Variants in ATP13A3 observed in about 807,000 individuals in gnomAD.
ATP13A3 encodes ATPase 13A3, also known as polyamine-transporting ATPase 13A3.
A neutral mutation model predicts 158.1 loss-of-function variants in ATP13A3; 59 were observed. The observed-to-expected ratio is 0.37, with a 90% CI of 0.30 to 0.46. ATP13A3 has a LOEUF of 0.46. Among genes scored for constraint, ATP13A3 ranks in the 20% least tolerant of loss-of-function variants. ATP13A3 has a pLI of 1.00. For missense variants in ATP13A3, 1,166 were observed against 1,525.2 expected, an observed-to-expected ratio of 0.76 and a Z score of 3.92; for synonymous variants, 491 against 504.3, an observed-to-expected ratio of 0.97 and a Z score of 0.35.
chr3:194,482,846 G>A (rs1229657691), intron 2 of ATP13A3, among the ~76,000 whole-genome samples: 1 of 152,044 alleles, frequency 6.6e-6, no homozygotes, highest in African/African-American at 2.4e-5. Context: ...GGTGGCTCAC[G>A]CCTGTAATCC....
chr3:194,419,992 C>A, intron 30 of ATP13A3, 25 bp from the exon 31 acceptor site: 1 of 1,497,478 alleles, frequency 6.7e-7, no homozygotes, highest in East Asian at 2.6e-5. Context: ...AAAAGTAAAA[C>A]AAGTAAATTA....
rs887373207 is a variant in ATP13A3, at chr3:194,430,843, G to A, written c.2624+100C>T. The A allele has an allele frequency of 1.9e-5, 16 of 826,358 alleles. No homozygotes were observed. In the African/African-American group the frequency reaches 2.6e-4, roughly 14 times the overall value. 51.2% of individuals were successfully genotyped at this position (826,358 alleles called of 1,614,324 possible). On this transcript the variant is annotated intron_variant, in intron 24 of 33. Transcript: ENST00000645319. ...AGATCACAATTATATATATAAATAT[G>A]AAATATTAGTATAAGAAACATATAA...
chr3:194,462,214 G>A lies in ATP13A3; in HGVS notation c.-24C>T, dbSNP rs374451835. On this transcript the variant is annotated 5_prime_UTR_variant, in exon 3 of 34. Coordinates refer to ENST00000645319, the MANE Select transcript of ATP13A3 (RefSeq NM_001367549.1). ...ATACCTACAGTGGATTAAAGGTCCA[G>A]TGCTTCAAACAATGGAAGATCACTG... 4.4e-6 allele frequency: 7 copies of A among 1,606,784 alleles called. No individual in the cohort carries two copies. In the South Asian group the frequency reaches 5.5e-5, roughly 13 times the overall value.
At chr3:194,478,933 C>T (rs1199030135) in intron 2 of ATP13A3, among the ~76,000 whole-genome samples, 3 of 152,222 alleles carry the variant, frequency 2.0e-5, no homozygotes, top group Non-Finnish European at 4.4e-5. Context: ...AGTACCAACA[C>T]AGTCCTAAAG....
chr3:194,410,296 C>CAAAAAAAAA lies in ATP13A3; in HGVS notation c.3573+1894_3573+1902dup, dbSNP rs772008929. On this transcript the variant is annotated intron_variant, in intron 33 of 33. Coordinates refer to ENST00000645319, the MANE Select transcript of ATP13A3 (RefSeq NM_001367549.1). ...GCAACATGGCAAAACCTCCTCTCTG[C>CAAAAAAAAA]AAAAAAAAAAAAAAAAAAAAAAAAA... Among the ~76,000 whole-genome samples the CAAAAAAAAA allele has an allele frequency of 3.3e-3, 72 of 21,820 alleles. 21 individuals are homozygous for CAAAAAAAAA. Among genetic ancestry groups the CAAAAAAAAA allele is most frequent in the East Asian group, 6.0e-3 (4 of 666 alleles). The allele number at this position is 21,820 out of a possible 152,430, so 14.3% of individuals were successfully genotyped here.
chr3:194,459,640 G>A (rs1286281979), intron 5 of ATP13A3, 99 bp from the exon 6 acceptor site: 3 of 1,092,804 alleles, frequency 2.7e-6, no homozygotes, highest in Middle Eastern at 5.2e-4. Context: ...ATTATATATA[G>A]CATTATATAT....
At chr3:194,476,048 T>G (rs1034587811) in intron 2 of ATP13A3, among the ~76,000 whole-genome samples, 1 of 152,160 alleles carries the variant, frequency 6.6e-6, no homozygotes, top group African/African-American at 2.4e-5. Flanking sequence ...TTACTCCACA[T>G]GTACTTGAAA....
chr3:194,413,637 T>G, intron 32 of ATP13A3, 122 bp downstream of exon 32: 50 of 869,212 alleles, frequency 5.8e-5, no homozygotes, highest in Non-Finnish European at 8.9e-5. Flanking sequence ...TGAATTTGCC[T>G]GAGATGAAAC....
At chr3:194,412,539 T>C (rs989817806) in intron 32 of ATP13A3, 62 of 452,582 alleles carry the variant, frequency 1.4e-4, no homozygotes, top group Non-Finnish European at 2.3e-4. Flanking sequence ...TTTGTATAAA[T>C]AGGTCTTTCC....
chr3:194,450,458 T>C (rs1718727381), intron 10 of ATP13A3, 182 bp from the exon 11 acceptor site: 7 of 579,530 alleles, frequency 1.2e-5, no homozygotes, highest in Non-Finnish European at 2.1e-5. Context: ...GCACGGTGTG[T>C]CAGCTAGTTA....
At chr3:194,490,522 C>T (rs1483418313), upstream of ATP13A3, among the ~76,000 whole-genome samples, 1 of 152,230 alleles carries the variant, frequency 6.6e-6, no homozygotes, top group Non-Finnish European at 1.5e-5. The surrounding 1 kb of genome is among the most constrained non-coding windows in gnomAD (Gnocchi z 4.4). Flanking sequence ...TCCGCAGGTG[C>T]TTCCTCTGTC....
intron 30 of ATP13A3, among the ~76,000 whole-genome samples, chr3:194,420,918 T>C (rs1716243015): frequency 6.6e-6 from 1 of 150,790 alleles, no homozygotes; most frequent in South Asian, 2.1e-4. Flanking sequence ...AACTTTATCA[T>C]GAAGCCTCCA....
Position 194,438,850 on chromosome 3 carries a change from T to C in ATP13A3, c.1827+6A>G, listed in dbSNP as rs1380380186. On this transcript the variant is annotated splice_donor_region_variant and intron_variant, in intron 17 of 33. Coordinates refer to ENST00000645319, the MANE Select transcript of ATP13A3 (RefSeq NM_001367549.1). ...CAGTTTTATCTAGCTTTAAGTGATT[T>C]CTCACCATTTCTTGGTTTCCTGCAG... is the stretch of plus-strand genomic sequence containing the variant. 6.5e-7 allele frequency: 1 copy of C among 1,532,060 alleles called. No individual in the cohort carries two copies. Among genetic ancestry groups the C allele is most frequent in the African/African-American group, 1.4e-5 (1 of 72,038 alleles). 94.9% of individuals were successfully genotyped at this position (1,532,060 alleles called of 1,614,324 possible). A position where few individuals can be genotyped will look rare whatever the true frequency, so the allele number is the denominator to read the frequency against.
At chr3:194,478,819 G>C (rs762645916) in intron 2 of ATP13A3, among the ~76,000 whole-genome samples, 4 of 152,144 alleles carry the variant, frequency 2.6e-5, no homozygotes, top group East Asian at 3.8e-4. Context: ...TTACCTGCTG[G>C]ACTGTGTATG....
chr3:194,441,730 AC>A lies in ATP13A3; in HGVS notation c.1560-270del, dbSNP rs1171666908. On this transcript the variant is annotated intron_variant, in intron 15 of 33. Transcript: ENST00000645319. ...CTTGGGATTTAATACCCACAAAAGGACAGGAAACAAAGTCTGGCCCCATGCA... is the reference window on the plus strand; with the variant it reads ...CTTGGGATTTAATACCCACAAAAGGAAGGAAACAAAGTCTGGCCCCATGCA... Among the ~76,000 whole-genome samples the A allele has an allele frequency of 2.6e-5, 4 of 152,214 alleles. No individual in the cohort carries two copies. In the East Asian group the frequency reaches 7.7e-4, roughly 29 times the overall value.
At position 194,448,435 on chromosome 3, in the gene ATP13A3, GATTA is replaced by G. The variant is rs761969092; in HGVS notation, c.1150+18_1150+21del. 143 of 1,604,370 alleles carry G rather than the reference GATTA, an allele frequency of 8.9e-5. No individual in the cohort carries two copies. The highest frequency in any genetic ancestry group is 5.0e-4 in the Middle Eastern group (3 of 6,058). ...AAATATGCTGAAACATGCAAAAAGA[GATTA>G]ATTAAGATGTTTCCTACCTGTTCTA... On this transcript the variant is annotated intron_variant, in intron 12 of 33. Transcript: ENST00000645319. This position sits in a 1 kb window ranked among gnomAD's most constrained non-coding sequence, Gnocchi z 4.0.
chr3:194,476,922 G>A lies in ATP13A3; in HGVS notation c.-47+8872C>T, dbSNP rs370658146. Among the ~76,000 whole-genome samples, 3 of 152,204 alleles carry A rather than the reference G, an allele frequency of 2.0e-5. No homozygotes were observed. In the East Asian group the frequency reaches 5.8e-4, roughly 29 times the overall value. Reference sequence around the variant, plus strand: ...GAAGGGAGCCTCAACTGGGTTCCAAGGTCAAAGTCAAAACTGATTGCAAGA... The same window carrying A: ...GAAGGGAGCCTCAACTGGGTTCCAAAGTCAAAGTCAAAACTGATTGCAAGA... On this transcript the variant is annotated intron_variant, in intron 2 of 33. Coordinates refer to ENST00000645319, the MANE Select transcript of ATP13A3 (RefSeq NM_001367549.1).
chr3:194,493,685 T>C (rs1204290930), intron 2 of ATP13A3, among the ~76,000 whole-genome samples: 1 of 152,146 alleles, frequency 6.6e-6, no homozygotes, highest in Non-Finnish European at 1.5e-5. Context: ...TTTGTCTCAC[T>C]GCATTTACAA....
intron 2 of ATP13A3, among the ~76,000 whole-genome samples, chr3:194,478,657 C>T (rs1720626278): frequency 6.6e-6 from 1 of 152,122 alleles, no homozygotes. Context: ...TCTTGTTAGA[C>T]ATGATAAACA....
Sources: allele counts gnomAD v4.1 joint callset (sites outside exome capture counted in the v4.1 genomes callset), GRCh38; gene constraint gnomAD v4.1.1; non-coding constraint Gnocchi (gnomAD v3.1); transcripts MANE v1.5; gene names NCBI Gene and HGNC (gene_info 2026-07-23, HGNC 2026-07-21).